The following RNF214 variants were observed in gnomAD, a reference collection of about 807,000 sequenced individuals.
The protein encoded by RNF214 is ring finger protein 214.
A neutral mutation model predicts 75.9 loss-of-function variants in RNF214; 25 were observed. The observed-to-expected ratio is 0.33, with a 90% CI of 0.24 to 0.46. The LOEUF is 0.46. Ranked by LOEUF, RNF214 falls within the 20% of genes least tolerant of loss-of-function variation. The pLI is 1.00. For missense variants in RNF214, 725 were observed against 857.5 expected (o/e 0.85, Z 1.93); for synonymous variants, 314 against 308.8 (o/e 1.02, Z -0.18).
chr11:117,232,915 G>T (rs2032749320), intron 1 of RNF214, 189 bp downstream of exon 1: 1 of 148,766 alleles, frequency 6.7e-6, no homozygotes, highest in Non-Finnish European at 1.5e-5. Context: ...CTGGCAGCGG[G>T]GTGGGGGGAC....
chr11:117,279,323 C>CTTTT lies in RNF214; in HGVS notation c.960-562_960-559dup, dbSNP rs34196418. Among the ~76,000 whole-genome samples, 30 of 104,354 alleles carry CTTTT rather than the reference C, an allele frequency of 2.9e-4. 1 individual carries two copies. Among genetic ancestry groups the CTTTT allele is most frequent in the African/African-American group, 4.3e-4 (11 of 25,400 alleles). The allele number at this position is 104,354 out of a possible 152,430, so 68.5% of individuals were successfully genotyped here. ...TTATTTTAGCAAGTGGAGATACAAA[C>CTTTT]TTTTTTTTTTTTTTTTTTTTTTTTT... On this transcript the variant is annotated intron_variant, in intron 6 of 14. Transcript: ENST00000300650.
In RNF214 at chr11:117,239,286, G is replaced by C. The variant is rs183183458; in HGVS notation, c.618+175G>C. ...TGCCATACAATGACTTCATTCTGAT[G>C]TTCAGTAAATAAGAAAGCCAGTAGC... On this transcript the variant is annotated intron_variant, in intron 3 of 14. Coordinates refer to ENST00000300650, the MANE Select transcript of RNF214 (RefSeq NM_207343.4). 14 of 626,332 alleles carry C rather than the reference G, an allele frequency of 2.2e-5. No homozygotes were observed. The East Asian group carries it at 3.9e-4, about 17-fold the overall frequency. 38.8% of individuals were successfully genotyped at this position (626,332 alleles called of 1,614,324 possible).
chr11:117,279,754 TAAAGAAG>T (rs2034089904), intron 6 of RNF214, among the ~76,000 whole-genome samples, 147 bp from the exon 7 acceptor site: 1 of 152,234 alleles, frequency 6.6e-6, no homozygotes. Flanking sequence ...TAGCAAAGAA[TAAAGAAG>T]AAAGAAAAAT....
At chr11:117,281,502 A>G (rs142674709) in intron 9 of RNF214, 98 bp downstream of exon 9, 3 of 1,376,826 alleles carry the variant, frequency 2.2e-6, no homozygotes, top group East Asian at 2.3e-5. Context: ...TTTGGGGCCT[A>G]TCCTACTATT....
At chr11:117,272,353 G>T (rs756538729) in intron 6 of RNF214, among the ~76,000 whole-genome samples, 1 of 152,118 alleles carries the variant, frequency 6.6e-6, no homozygotes, top group South Asian at 2.1e-4. Flanking sequence ...ACCAAACACC[G>T]CATGTTCTTA....
At position 117,234,141 on chromosome 11, in the gene RNF214, C is replaced by G. The variant is rs141034679; in HGVS notation, c.-6-126C>G. 51 of 697,000 alleles carry G rather than the reference C, an allele frequency of 7.3e-5. No homozygotes were observed. The East Asian group carries it at 1.1e-3, about 15-fold the overall frequency. The allele number at this position is 697,000 out of a possible 1,614,324, so 43.2% of individuals were successfully genotyped here. A position where few individuals can be genotyped will look rare whatever the true frequency, so the allele number is the denominator to read the frequency against. ...TTTAGTACTCTTAAGTATTTTCTCC[C>G]GGAGCCCAGGTTTTTGTGTTTCTTT... On this transcript the variant is annotated intron_variant, in intron 1 of 14. Transcript: ENST00000300650.
At chr11:117,253,425 T>TAAA in intron 6 of RNF214, among the ~76,000 whole-genome samples, 1 of 152,374 alleles carries the variant, frequency 6.6e-6, no homozygotes, top group Non-Finnish European at 1.5e-5. Flanking sequence ...GTCTTGCTTT[T>TAAA]GCAGGGATAA....
chr11:117,274,719 G>A (rs1269082757), intron 6 of RNF214, among the ~76,000 whole-genome samples: 2 of 146,600 alleles, frequency 1.4e-5, no homozygotes, highest in East Asian at 4.0e-4. Context: ...TTGTTGCCCA[G>A]GCCAGAGTGC....
At chr11:117,234,734 A>G (rs570023291) in intron 2 of RNF214, among the ~76,000 whole-genome samples, 262 of 152,346 alleles carry the variant, frequency 1.7e-3, no homozygotes, top group Middle Eastern at 3.4e-3. Context: ...CTAAATATGT[A>G]TACATACAGA....
chr11:117,260,209 G>T (rs561163910), intron 6 of RNF214, among the ~76,000 whole-genome samples: 1 of 151,978 alleles, frequency 6.6e-6, no homozygotes, highest in Non-Finnish European at 1.5e-5. Context: ...GCTCACTGTA[G>T]CCTTGAACTC....
In RNF214 at chr11:117,282,761, C is replaced by G. The variant is rs749164571; in HGVS notation, c.1861C>G (p.Arg621Gly). The change falls in exon 13 of 15, where the codon CGG (arginine) becomes GGG (glycine). Residue 621 changes from arginine to glycine, a missense_variant. Physicochemically the swap from Arg to Gly is moderately radical, Grantham distance 125. This residue lies in a region of RNF214 where 363 missense variants were observed against 513.0 expected (regional missense o/e 0.71). Coordinates refer to ENST00000300650, the MANE Select transcript of RNF214 (RefSeq NM_207343.4). ...AASTQPLGRI[R>G]ALFPAPLAQI... ...CTACCTACAGCCACTTGGTCGCATC[C>G]GGGCCTTGTTCCCTGCTCCACTGGC... 1 of 1,614,052 alleles carries G rather than the reference C, an allele frequency of 6.2e-7. No individual in the cohort carries two copies. Among genetic ancestry groups the G allele is most frequent in the Non-Finnish European group, 8.5e-7 (1 of 1,179,930 alleles).
chr11:117,264,482 A>T (rs1369161709), intron 6 of RNF214, among the ~76,000 whole-genome samples: 1 of 152,166 alleles, frequency 6.6e-6, no homozygotes, highest in Non-Finnish European at 1.5e-5. Flanking sequence ...GGTCACCTAA[A>T]GTTGTATTTT....
intron 6 of RNF214, among the ~76,000 whole-genome samples, chr11:117,247,396 G>A (rs2033253519): frequency 6.6e-6 from 1 of 152,168 alleles, no homozygotes; most frequent in South Asian, 2.1e-4. Flanking sequence ...TTGGGAGGCT[G>A]AGGTGGAAGA....
At chr11:117,255,019 A>G (rs1313547349) in intron 6 of RNF214, among the ~76,000 whole-genome samples, 3 of 152,078 alleles carry the variant, frequency 2.0e-5, no homozygotes, top group Non-Finnish European at 4.4e-5. Context: ...ATGACTTACA[A>G]CATCACCTGG....
rs770500709 is a variant in RNF214, at chr11:117,282,315, T to C, written c.1712+45T>C. 8.9e-6 allele frequency: 14 copies of C among 1,580,972 alleles called. No individual in the cohort carries two copies. The Admixed American group carries it at 2.3e-4, about 26-fold the overall frequency. The stretch of plus-strand genomic sequence containing the variant: ...GATTCAGATGTCTCTATCAGAGAAA[T>C]GCTTATGGGTTAAAACAGAGGAGGT... On this transcript the variant is annotated intron_variant, in intron 11 of 14. Transcript: ENST00000300650.
rs1459419704 is a variant in RNF214, at chr11:117,251,728, G to A, written c.959+4780G>A. On this transcript the variant is annotated intron_variant, in intron 6 of 14. Transcript: ENST00000300650. ...GATGTGAGAGAAAAGCAAGCAAGAC[G>A]TGAAGTGGGGGAGTGAGGCCAGATC... 2.2e-4 allele frequency among the ~76,000 whole-genome samples: 33 copies of A among 152,142 alleles called. 1 individual carries two copies. Among genetic ancestry groups the A allele is most frequent in the Non-Finnish European group, 5.9e-5 (4 of 68,016 alleles).
chr11:117,258,358 C>T lies in RNF214; in HGVS notation c.959+11410C>T, dbSNP rs1034908285. Reference sequence around the variant, plus strand: ...TGGGATTTACAGGCGTGAGCCACCACGCCCAGCCCCGTCTTTTCTTTTTCG... The same window carrying T: ...TGGGATTTACAGGCGTGAGCCACCATGCCCAGCCCCGTCTTTTCTTTTTCG... On this transcript the variant is annotated intron_variant, in intron 6 of 14. Coordinates refer to ENST00000300650, the MANE Select transcript of RNF214 (RefSeq NM_207343.4). Among the ~76,000 whole-genome samples the T allele has an allele frequency of 3.3e-5, 5 of 152,212 alleles. No homozygotes were observed. The East Asian group carries it at 7.7e-4, about 24-fold the overall frequency.
rs2034122056 is a variant in RNF214, at chr11:117,281,261, G to A, written c.1146-53G>A. On this transcript the variant is annotated intron_variant, in intron 8 of 14. Coordinates refer to ENST00000300650, the MANE Select transcript of RNF214 (RefSeq NM_207343.4). ...GCTGGGATTACAGGCGTGAGTCACT[G>A]TTCCTAGCAGGGCTTTCTTTAAATC... 3.0e-6 allele frequency: 4 copies of A among 1,315,898 alleles called. No individual in the cohort carries two copies. The South Asian group carries it at 4.8e-5, about 16-fold the overall frequency. The allele number at this position is 1,315,898 out of a possible 1,614,324, so 81.5% of individuals were successfully genotyped here. A position where few individuals can be genotyped will look rare whatever the true frequency, so the allele number is the denominator to read the frequency against.
At chr11:117,241,882 A>G (rs543762195) in intron 4 of RNF214, among the ~76,000 whole-genome samples, 18 of 152,314 alleles carry the variant, frequency 1.2e-4, no homozygotes, top group African/African-American at 4.3e-4. Context: ...ACCATATATA[A>G]TAGTACAGAT....
Sources: allele counts gnomAD v4.1 joint callset (sites outside exome capture counted in the v4.1 genomes callset), GRCh38; gene constraint gnomAD v4.1.1; regional missense constraint gnomAD v4.1.1; transcripts MANE v1.5; gene names NCBI Gene and HGNC (gene_info 2026-07-23, HGNC 2026-07-21).